Variants in TNKS1BP1 observed in about 807,000 individuals in gnomAD.
The protein encoded by TNKS1BP1 is CCR4-NOT transcription complex subunit 12.
A neutral mutation model predicts 141.1 loss-of-function variants in TNKS1BP1; 48 were observed. The ratio of observed to expected loss-of-function variants is 0.34; its 90% confidence interval spans 0.27 to 0.43. TNKS1BP1 has a LOEUF of 0.43. TNKS1BP1 is among the 20% of genes least tolerant of loss of function. TNKS1BP1 has a pLI of 1.00. For missense variants in TNKS1BP1, 2,149 were observed against 2,226.0 expected, an observed-to-expected ratio of 0.97 and a Z score of 0.70; for synonymous variants, 875 against 898.2, an observed-to-expected ratio of 0.97 and a Z score of 0.46.
intron 6 of TNKS1BP1, among the ~76,000 whole-genome samples, chr11:57,304,995 C>T (rs1855586802): frequency 6.6e-6 from 1 of 152,068 alleles, no homozygotes; most frequent in Non-Finnish European, 1.5e-5. Flanking sequence ...GGGGAAAACC[C>T]AAGAAAGTGC....
chr11:57,316,024 CCT>C (rs933501215), intron 4 of TNKS1BP1, among the ~76,000 whole-genome samples: 1 of 152,144 alleles, frequency 6.6e-6, no homozygotes, highest in Non-Finnish European at 1.5e-5. Context: ...TCTTGAAAGC[CCT>C]GTCTATATTC....
At position 57,308,548 on chromosome 11, in the gene TNKS1BP1, A is replaced by G. The variant is rs1855649231; in HGVS notation, c.4163T>C (p.Leu1388Pro). 1.2e-6 allele frequency: 2 copies of G among 1,614,082 alleles called. No homozygotes were observed. Among genetic ancestry groups the G allele is most frequent in the Non-Finnish European group, 1.7e-6 (2 of 1,180,000 alleles). Residue 1388 changes from leucine (L) to proline (P), a missense_variant, in exon 6 of 12, where the codon CTG becomes CCG. Coordinates refer to ENST00000358252, the MANE Select transcript of TNKS1BP1 (RefSeq NM_033396.3). ...LRHNGSLSPGLEARDPLEARE... is the reference protein window; with the variant it reads ...LRHNGSLSPGPEARDPLEARE... ...GGCCTCCAAGGGGTCTCTGGCCTCC[A>G]GGCCAGGAGACAAGCTGCCATTGTG...
rs1020857746 is a variant in TNKS1BP1, at chr11:57,322,076, G to C, written c.-65-126C>G. On this transcript the variant is annotated intron_variant, in intron 1 of 11. Transcript: ENST00000358252. Reference sequence around the variant, plus strand: ...CAGGAAGAGAGAACTTGGAGTGGGGGGGGGGGGGTAGGAGGAGGTCAAGGG... The same window carrying C: ...CAGGAAGAGAGAACTTGGAGTGGGGCGGGGGGGGTAGGAGGAGGTCAAGGG... 1.2e-4 allele frequency: 103 copies of C among 866,294 alleles called. 5 individuals are homozygous for C. The Admixed American group carries it at 1.2e-3, about 10-fold the overall frequency. 53.7% of individuals were successfully genotyped at this position (866,294 alleles called of 1,614,324 possible).
At chr11:57,304,377 G>A (rs556365349) in intron 6 of TNKS1BP1, among the ~76,000 whole-genome samples, 3 of 152,330 alleles carry the variant, frequency 2.0e-5, no homozygotes, top group Admixed American at 6.5e-5. Context: ...AGGCAGTGGC[G>A]GCAGCAGAAG....
At chr11:57,301,150 C>A in intron 9 of TNKS1BP1, 109 bp from the exon 10 acceptor site, 1 of 1,201,500 alleles carries the variant, frequency 8.3e-7, no homozygotes. Context: ...CAAGCAGAGA[C>A]CCCTCTGCAG....
rs181579645 is a variant in TNKS1BP1, at chr11:57,314,054, G to A, written c.799-165C>T. ...GATAGCTGGGAGGGGCCCCACAGAC[G>A]ACTCAAGGCAGGACTTCTCACAGAG... On this transcript the variant is annotated intron_variant, in intron 4 of 11. Coordinates refer to ENST00000358252, the MANE Select transcript of TNKS1BP1 (RefSeq NM_033396.3). Among the ~76,000 whole-genome samples, 335 of 152,250 alleles carry A rather than the reference G, an allele frequency of 2.2e-3. 2 individuals are homozygous for A. The highest frequency in any genetic ancestry group is 7.9e-3 in the African/African-American group (327 of 41,544).
rs979223406 is a variant in TNKS1BP1 at position 57,322,078 on chromosome 11, G to A, written c.-65-128C>T. ...GGAAGAGAGAACTTGGAGTGGGGGG[G>A]GGGGGGTAGGAGGAGGTCAAGGGAG... On this transcript the variant is annotated intron_variant, in intron 1 of 11. Transcript: ENST00000358252. 13 of 836,234 alleles carry A rather than the reference G, an allele frequency of 1.6e-5. 2 individuals carry two copies. The highest frequency in any genetic ancestry group is 3.5e-5 in the East Asian group (1 of 28,208). The allele number at this position is 836,234 out of a possible 1,614,324, so 51.8% of individuals were successfully genotyped here.
At chr11:57,322,270 C>T (rs879325008) in intron 1 of TNKS1BP1, 152 of 1,030,588 alleles carry the variant, frequency 1.5e-4, no homozygotes, top group Non-Finnish European at 1.7e-4. Flanking sequence ...AGGACGGCCC[C>T]GCTGGAGGTG....
chr11:57,302,902 C>T lies in TNKS1BP1; in HGVS notation c.4317-77G>A. 1 of 1,418,486 alleles carries T rather than the reference C, an allele frequency of 7.0e-7. No individual in the cohort carries two copies. The highest frequency in any genetic ancestry group is 9.2e-7 in the Non-Finnish European group (1 of 1,083,674). 87.9% of individuals were successfully genotyped at this position (1,418,486 alleles called of 1,614,324 possible). A position where few individuals can be genotyped will look rare whatever the true frequency, so the allele number is the denominator to read the frequency against. On this transcript the variant is annotated intron_variant, in intron 6 of 11. Coordinates refer to ENST00000358252, the MANE Select transcript of TNKS1BP1 (RefSeq NM_033396.3). This position sits in a 1 kb window ranked among gnomAD's most constrained non-coding sequence, Gnocchi z 5.5. The stretch of plus-strand genomic sequence containing the variant: ...GCCCTGAAGCCTACTTCACAAGCTC[C>T]TTCCCCCAGCCCCCAAACTCTCCCT...
intron 6 of TNKS1BP1, among the ~76,000 whole-genome samples, chr11:57,305,024 G>A (rs556328541): frequency 6.6e-5 from 10 of 152,214 alleles, no homozygotes; most frequent in South Asian, 2.1e-4. Context: ...CCACCCCGCC[G>A]GACTAAACCC....
intron 6 of TNKS1BP1, among the ~76,000 whole-genome samples, chr11:57,306,902 G>GT (rs1779699595): frequency 7.4e-6 from 1 of 134,260 alleles, no homozygotes; most frequent in East Asian, 2.3e-4. Context: ...AGCTGTGGTG[G>GT]TGGGGGGGGG....
Position 57,302,193 on chromosome 11 carries a change from C to T in TNKS1BP1, c.4715G>A (p.Arg1572Gln), listed in dbSNP as rs748944681. Residue 1572 changes from arginine (R) to glutamine (Q), a missense_variant, in exon 8 of 12, where the codon CGG becomes CAG. Coordinates refer to ENST00000358252, the MANE Select transcript of TNKS1BP1 (RefSeq NM_033396.3). The surrounding 1 kb of genome is among the most constrained non-coding windows in gnomAD (Gnocchi z 5.5). ...DTEILDSAMY[R>Q]SRANLGRKRG... is the part of the protein sequence containing the mutation. Reference sequence around the variant, plus strand: ...CTTGCGCCCCAAGTTGGCACGGCTCCGATACATGGCACTGTCGAGGATCTC... The same window carrying T: ...CTTGCGCCCCAAGTTGGCACGGCTCTGATACATGGCACTGTCGAGGATCTC... The T allele has an allele frequency of 1.2e-5, 19 of 1,612,992 alleles. No homozygotes were observed. The highest frequency in any genetic ancestry group is 2.2e-5 in the East Asian group (1 of 44,848).
At position 57,321,807 on chromosome 11, in the gene TNKS1BP1, T is replaced by C. The variant is rs1855891481; in HGVS notation, c.79A>G (p.Thr27Ala). Residue 27 changes from threonine (T) to alanine (A), a missense_variant, in exon 2 of 12, where the codon ACT (threonine) becomes GCT (alanine). Transcript: ENST00000358252. The part of the protein sequence containing the change: ...PREMEEELVP[T>A]GSEPGDTRAK... ...CCATTGGTACCTGGCTCAGAGCCAG[T>C]AGGCACCAGCTCCTCCTCCATCTCC... is the stretch of plus-strand genomic sequence containing the variant. 6.3e-7 allele frequency: 1 copy of C among 1,577,920 alleles called. No homozygotes were observed. The highest frequency in any genetic ancestry group is 8.6e-7 in the Non-Finnish European group (1 of 1,158,276).
chr11:57,304,773 G>A (rs60361446), intron 6 of TNKS1BP1, among the ~76,000 whole-genome samples: 2,119 of 149,960 alleles, frequency 0.014, 44 homozygotes, highest in African/African-American at 0.049. Context: ...GGGGGAGACT[G>A]AGGCAGGAGA....
intron 5 of TNKS1BP1, chr11:57,311,273 G>A (rs1238951378): frequency 3.0e-6 from 3 of 985,902 alleles, no homozygotes; most frequent in Non-Finnish European, 3.6e-6. Flanking sequence ...TCAGGGCTTC[G>A]GAGCCGGCCA....
In TNKS1BP1 at chr11:57,324,811, CCTT is replaced by C. The variant is rs1855943042; in HGVS notation, c.-66+26_-66+28del. 3.0e-6 allele frequency: 3 copies of C among 985,788 alleles called. No individual in the cohort carries two copies. The African/African-American group carries it at 5.2e-5, about 17-fold the overall frequency. The allele number at this position is 985,788 out of a possible 1,614,324, so 61.1% of individuals were successfully genotyped here. A position where few individuals can be genotyped will look rare whatever the true frequency, so the allele number is the denominator to read the frequency against. ...CGCCCCATCCCGGACCCCGCCCCCT[CCTT>C]CGCCCGACCGCCCCCGCGCACTCAC... On this transcript the variant is annotated intron_variant, in intron 1 of 11. Coordinates refer to ENST00000358252, the MANE Select transcript of TNKS1BP1 (RefSeq NM_033396.3).
In TNKS1BP1 at chr11:57,308,987, C is replaced by T. The variant is rs376653529; in HGVS notation, c.3724G>A (p.Gly1242Arg). ...NVKSKDLAEV[G>R]EGGGHSQARE... ...GCCTGGCTGTGGCCTCCTCCCTCCC[C>T]GACCTCAGCCAAATCTTTGCTCTTC... Residue 1242 changes from glycine (G) to arginine (R), a missense_variant, in exon 6 of 12, where the codon GGG becomes AGG. Physicochemically the swap from Gly to Arg is moderately radical, Grantham distance 125. Coordinates refer to ENST00000358252, the MANE Select transcript of TNKS1BP1 (RefSeq NM_033396.3). 127 of 1,614,164 alleles carry T rather than the reference C, an allele frequency of 7.9e-5. No homozygotes were observed. Among genetic ancestry groups the T allele is most frequent in the African/African-American group, 7.9e-4 (59 of 75,040 alleles).
chr11:57,316,932 A>G (rs1277375013), intron 4 of TNKS1BP1, among the ~76,000 whole-genome samples: 1 of 152,138 alleles, frequency 6.6e-6, no homozygotes, highest in Non-Finnish European at 1.5e-5. Context: ...GACACAATCC[A>G]ACCCCCCAAC....
chr11:57,308,365 C>G, intron 6 of TNKS1BP1, 30 bp downstream of exon 6: 2 of 1,586,424 alleles, frequency 1.3e-6, no homozygotes, highest in Non-Finnish European at 1.7e-6. Context: ...ATGTTCCCTC[C>G]CACACTTGGG....
Sources: allele counts gnomAD v4.1 joint callset (sites outside exome capture counted in the v4.1 genomes callset), GRCh38; gene constraint gnomAD v4.1.1; non-coding constraint Gnocchi (gnomAD v3.1); transcripts MANE v1.5; gene names NCBI Gene and HGNC (gene_info 2026-07-23, HGNC 2026-07-21).